The following INPP4A variants were observed in gnomAD, a reference collection of about 807,000 sequenced individuals.
INPP4A encodes inositol polyphosphate-4-phosphatase type I A.
A neutral mutation model predicts 119.8 loss-of-function variants in INPP4A; 33 were observed. That is an observed-to-expected ratio of 0.28 (90% CI 0.21 to 0.37). INPP4A has a LOEUF of 0.37. Among genes scored for constraint, INPP4A ranks in the 10% least tolerant of loss-of-function variants. The pLI, the probability that INPP4A is intolerant of heterozygous loss-of-function variation, is 1.00. For missense variants in INPP4A, 956 were observed against 1,289.9 expected, an observed-to-expected ratio of 0.74 and a Z score of 3.97; for synonymous variants, 496 against 500.7, an observed-to-expected ratio of 0.99 and a Z score of 0.12.
chr2:98,508,465 T>C lies in INPP4A; in HGVS notation c.-165-10499T>C, dbSNP rs140907997. Among the ~76,000 whole-genome samples, 58 of 152,256 alleles carry C rather than the reference T, an allele frequency of 3.8e-4. No homozygotes were observed. The East Asian group carries it at 9.8e-3, about 26-fold the overall frequency. ...TGAGTGAGTGATGATACCCCCCTTATTGTGGACCCACACTCAGAGATAAGC... is the reference window on the plus strand; with the variant it reads ...TGAGTGAGTGATGATACCCCCCTTACTGTGGACCCACACTCAGAGATAAGC... On this transcript the variant is annotated intron_variant, in intron 1 of 24. Transcript: ENST00000409851.
chr2:98,471,223 G>A (rs962677276), intron 1 of INPP4A, among the ~76,000 whole-genome samples: 27 of 152,178 alleles, frequency 1.8e-4, no homozygotes, highest in African/African-American at 5.8e-4. Context: ...GTAGATGGCC[G>A]TTGTGAATGA....
At chr2:98,470,129 G>A (rs777482067) in intron 1 of INPP4A, among the ~76,000 whole-genome samples, 1 of 152,370 alleles carries the variant, frequency 6.6e-6, no homozygotes, top group South Asian at 2.1e-4. Context: ...AGTGGCCTGT[G>A]GCTGGAGAAG....
At chr2:98,461,943 G>T (rs1469101550) in intron 1 of INPP4A, among the ~76,000 whole-genome samples, 2 of 152,214 alleles carry the variant, frequency 1.3e-5, no homozygotes, top group Non-Finnish European at 2.9e-5. Context: ...CGTTAGTTTT[G>T]TGAAGGAAGC....
chr2:98,463,608 C>T (rs771305805), intron 1 of INPP4A, among the ~76,000 whole-genome samples: 14 of 152,246 alleles, frequency 9.2e-5, no homozygotes, highest in Non-Finnish European at 1.9e-4. Context: ...CATTCACTCA[C>T]GCAGCAGGTA....
At chr2:98,495,971 T>C (rs1440826011) in intron 1 of INPP4A, among the ~76,000 whole-genome samples, 1 of 152,236 alleles carries the variant, frequency 6.6e-6, no homozygotes, top group Non-Finnish European at 1.5e-5. Flanking sequence ...TAAAATATTT[T>C]GATTTCTTTC....
At chr2:98,480,653 G>A (rs1371997001) in intron 1 of INPP4A, among the ~76,000 whole-genome samples, 2 of 152,194 alleles carry the variant, frequency 1.3e-5, no homozygotes, top group Non-Finnish European at 2.9e-5. Context: ...AGGAGTAAAT[G>A]ACTGAGGTGG....
At chr2:98,467,704 A>T (rs1411693207) in intron 1 of INPP4A, among the ~76,000 whole-genome samples, 1 of 152,222 alleles carries the variant, frequency 6.6e-6, no homozygotes, top group Non-Finnish European at 1.5e-5. Context: ...TCTTGTCTGT[A>T]TATGCACACA....
chr2:98,586,075 G>T (rs1368216241), intron 24 of INPP4A, among the ~76,000 whole-genome samples: 4 of 152,180 alleles, frequency 2.6e-5, no homozygotes, highest in African/African-American at 9.7e-5. Context: ...AGGCAAACAC[G>T]ATTGTTACTT....
chr2:98,474,538 GA>G (rs1385196244), intron 1 of INPP4A, among the ~76,000 whole-genome samples: 1 of 152,238 alleles, frequency 6.6e-6, no homozygotes, highest in East Asian at 1.9e-4. Context: ...CAGAGCAGGT[GA>G]ATGGCCTGCC....
chr2:98,475,368 A>G (rs1266824031), intron 1 of INPP4A, among the ~76,000 whole-genome samples: 1 of 152,178 alleles, frequency 6.6e-6, no homozygotes, highest in Non-Finnish European at 1.5e-5. Flanking sequence ...TTACAAATTA[A>G]GAGAGACCTC....
intron 4 of INPP4A, among the ~76,000 whole-genome samples, chr2:98,523,408 T>C (rs1687602360): frequency 6.6e-6 from 1 of 151,832 alleles, no homozygotes; most frequent in Admixed American, 6.6e-5. Flanking sequence ...TTGTTTTTTT[T>C]TTTTGAGACG....
intron 1 of INPP4A, among the ~76,000 whole-genome samples, chr2:98,480,072 C>T (rs746483600): frequency 4.5e-4 from 69 of 152,244 alleles, no homozygotes; most frequent in Admixed American, 5.2e-4. Context: ...GCTGTCCTTG[C>T]CAGCACCTCC....
At chr2:98,581,856 G>A (rs931015543) in intron 24 of INPP4A, 17 of 1,458,432 alleles carry the variant, frequency 1.2e-5, no homozygotes, top group African/African-American at 2.9e-5. Context: ...GTGTCAAACC[G>A]TGGTCTGCCA....
intron 1 of INPP4A, among the ~76,000 whole-genome samples, chr2:98,504,770 G>A (rs1558962677): frequency 6.6e-6 from 1 of 152,196 alleles, no homozygotes; most frequent in East Asian, 1.9e-4. Context: ...AACAGAGCCT[G>A]CCTGACTCCA....
intron 1 of INPP4A, among the ~76,000 whole-genome samples, chr2:98,501,231 C>A (rs920112239): frequency 2.0e-5 from 3 of 152,040 alleles, no homozygotes; most frequent in African/African-American, 7.2e-5. Flanking sequence ...GCAGGAGAAT[C>A]GCTGAGGCAG....
At chr2:98,459,657 A>G (rs769541271) in intron 1 of INPP4A, among the ~76,000 whole-genome samples, 3 of 152,254 alleles carry the variant, frequency 2.0e-5, no homozygotes, top group African/African-American at 4.8e-5. Flanking sequence ...CTGGGCTGTC[A>G]TAAGACTTAA....
chr2:98,493,635 A>T (rs1681317586), intron 1 of INPP4A, among the ~76,000 whole-genome samples: 1 of 151,976 alleles, frequency 6.6e-6, no homozygotes, highest in Non-Finnish European at 1.5e-5. Flanking sequence ...GAGCTCAAGC[A>T]GTCTGCCTGC....
chr2:98,575,778 A>G (rs192017002), intron 23 of INPP4A, among the ~76,000 whole-genome samples: 204 of 152,276 alleles, frequency 1.3e-3, no homozygotes, highest in African/African-American at 4.6e-3. Flanking sequence ...CTGGCATACA[A>G]CAGATACCCG....
chr2:98,505,538 T>C (rs948477118), intron 1 of INPP4A, among the ~76,000 whole-genome samples: 3 of 152,264 alleles, frequency 2.0e-5, no homozygotes, highest in East Asian at 3.9e-4. Flanking sequence ...CCAGAGAGAA[T>C]TGGAGACAGC....
Sources: allele counts gnomAD v4.1 joint callset (sites outside exome capture counted in the v4.1 genomes callset), GRCh38; gene constraint gnomAD v4.1.1; transcripts MANE v1.5; gene names NCBI Gene and HGNC (gene_info 2026-07-23, HGNC 2026-07-21).